FBN2: variants seen among roughly 807,000 people sequenced by gnomAD.
FBN2 encodes fibrillin-2.
A neutral mutation model predicts 355.6 loss-of-function variants in FBN2; 105 were observed. That is an observed-to-expected ratio of 0.30 (90% CI 0.25 to 0.35). FBN2 has a LOEUF of 0.35. FBN2 is among the 10% of genes least tolerant of loss of function. The probability of loss-of-function intolerance (pLI) is 1.00; values close to 1 mark genes in which losing one functional copy is unlikely to be tolerated. For missense variants in FBN2, 3,280 were observed against 3,758.7 expected (o/e 0.87, Z 3.33); for synonymous variants, 1,350 against 1,301.2 (o/e 1.04, Z -0.81).
intron 48 of FBN2, among the ~76,000 whole-genome samples, chr5:128,294,430 T>C (rs960748519): frequency 6.6e-5 from 10 of 152,154 alleles, no homozygotes; most frequent in African/African-American, 1.2e-4. Context: ...TCCACAACGG[T>C]TGAACTAGTT....
chr5:128,426,479 G>T (rs1753486239), intron 7 of FBN2, among the ~76,000 whole-genome samples: 1 of 152,142 alleles, frequency 6.6e-6, no homozygotes, highest in Non-Finnish European at 1.5e-5. Context: ...ATTTGAAACT[G>T]CTAGAGTGCA....
Position 128,259,391 on chromosome 5 carries a change from T to C in FBN2, c.*64A>G. On this transcript the variant is annotated 3_prime_UTR_variant, in exon 65 of 65. Transcript: ENST00000262464. ...TTCCTCTTTAAAATTAGTCCTTGAC[T>C]TTTCAAATGCTTCTGCAGACTGGCT... 6.3e-7 allele frequency: 1 copy of C among 1,592,786 alleles called. No individual in the cohort carries two copies. Among genetic ancestry groups the C allele is most frequent in the Non-Finnish European group, 8.6e-7 (1 of 1,162,614 alleles).
chr5:128,272,185 A>G (rs1581178570), intron 61 of FBN2, 67 bp from the exon 62 acceptor site: 1 of 1,576,786 alleles, frequency 6.3e-7, no homozygotes, highest in East Asian at 2.3e-5. Context: ...TGCACTCCAA[A>G]CGAAACCTGG....
At chr5:128,421,625 T>C (rs1393145312) in intron 7 of FBN2, among the ~76,000 whole-genome samples, 2 of 151,744 alleles carry the variant, frequency 1.3e-5, no homozygotes, top group Admixed American at 6.6e-5. Context: ...GTGGATAAAA[T>C]CAGTTGAGAT....
rs961360612 is a variant in FBN2, at chr5:128,273,741, T to C, written c.7840+99A>G. 142 of 1,268,750 alleles carry C rather than the reference T, an allele frequency of 1.1e-4. 1 individual carries two copies. Among genetic ancestry groups the C allele is most frequent in the Non-Finnish European group, 1.5e-4 (130 of 878,548 alleles). 78.6% of individuals were successfully genotyped at this position (1,268,750 alleles called of 1,614,324 possible). A position where few individuals can be genotyped will look rare whatever the true frequency, so the allele number is the denominator to read the frequency against. Reference sequence around the variant, plus strand: ...CTGGGTCCTATTTTGTTCAATACTTTTTTTTCTTTTTTTCAGATTATACCA... The same window carrying C: ...CTGGGTCCTATTTTGTTCAATACTTCTTTTTCTTTTTTTCAGATTATACCA... On this transcript the variant is annotated intron_variant, in intron 61 of 64. Transcript: ENST00000262464.
intron 4 of FBN2, among the ~76,000 whole-genome samples, chr5:128,520,984 GA>G (rs1384543290): frequency 1.3e-5 from 2 of 152,084 alleles, no homozygotes; most frequent in Non-Finnish European, 2.9e-5. Flanking sequence ...GGGAAGGTGG[GA>G]AAAAACAAAA....
At chr5:128,510,524 C>A (rs1756084987) in intron 5 of FBN2, among the ~76,000 whole-genome samples, 3 of 152,128 alleles carry the variant, frequency 2.0e-5, no homozygotes, top group South Asian at 4.1e-4. Context: ...ATATTCTGTT[C>A]TGTGTTTTAT....
At chr5:128,412,376 T>C (rs1306347448) in intron 7 of FBN2, among the ~76,000 whole-genome samples, 1 of 152,194 alleles carries the variant, frequency 6.6e-6, no homozygotes, top group African/African-American at 2.4e-5. Flanking sequence ...TCTTTTCCAG[T>C]GCTCTCTCCT....
rs555013659 is a variant in FBN2, at chr5:128,259,215, T to A, written c.*240A>T. On this transcript the variant is annotated 3_prime_UTR_variant, in exon 65 of 65. Coordinates refer to ENST00000262464, the MANE Select transcript of FBN2 (RefSeq NM_001999.4). ...AACATTTAGGTTTCTTTTAATATAT[T>A]TTAAAATGAAGTTATATAAAAAATA... 5.8e-6 allele frequency: 3 copies of A among 518,352 alleles called. No individual in the cohort carries two copies. Among genetic ancestry groups the A allele is most frequent in the African/African-American group, 5.7e-5 (3 of 52,632 alleles). The allele number at this position is 518,352 out of a possible 1,614,324, so 32.1% of individuals were successfully genotyped here.
chr5:128,397,126 A>G (rs763965650), intron 8 of FBN2, among the ~76,000 whole-genome samples: 1 of 152,226 alleles, frequency 6.6e-6, no homozygotes, highest in Non-Finnish European at 1.5e-5. Context: ...GTATGCACAC[A>G]TAATTAAAGG....
At chr5:128,375,872 C>G (rs958995330) in intron 14 of FBN2, among the ~76,000 whole-genome samples, 1 of 151,790 alleles carries the variant, frequency 6.6e-6, no homozygotes, top group African/African-American at 2.4e-5. Flanking sequence ...CTCATTTCCA[C>G]AAAAAATAAA....
intron 35 of FBN2, 47 bp downstream of exon 35, chr5:128,318,832 C>T (rs1217607621): frequency 2.5e-6 from 4 of 1,594,860 alleles, no homozygotes; most frequent in Admixed American, 1.7e-5. Context: ...GCACAGAATA[C>T]TCATTTCAAT....
At chr5:128,373,201 A>G (rs1469638684) in intron 15 of FBN2, among the ~76,000 whole-genome samples, 2 of 152,232 alleles carry the variant, frequency 1.3e-5, no homozygotes, top group Non-Finnish European at 2.9e-5. Flanking sequence ...GTTACTTAAG[A>G]GAAAAATAAT....
intron 7 of FBN2, among the ~76,000 whole-genome samples, chr5:128,438,217 TC>T: frequency 6.6e-6 from 1 of 152,286 alleles, no homozygotes; most frequent in South Asian, 2.1e-4. Context: ...GTCTCAAACT[TC>T]CGGGCCTCAA....
intron 36 of FBN2, among the ~76,000 whole-genome samples, chr5:128,317,869 A>G (rs1750252828): frequency 6.6e-6 from 1 of 152,238 alleles, no homozygotes; most frequent in Admixed American, 6.5e-5. Flanking sequence ...CAAACACTGG[A>G]CAAGGAGCCA....
intron 7 of FBN2, among the ~76,000 whole-genome samples, chr5:128,431,478 T>C (rs1390045817): frequency 1.3e-5 from 2 of 152,228 alleles, no homozygotes; most frequent in Non-Finnish European, 2.9e-5. Context: ...ACATGTACTG[T>C]CGCCATAACT....
At chr5:128,394,886 T>A (rs1017653675) in intron 9 of FBN2, among the ~76,000 whole-genome samples, 15 of 151,356 alleles carry the variant, frequency 9.9e-5, no homozygotes, top group African/African-American at 2.4e-4. Flanking sequence ...CCCAAGCTCA[T>A]GTGATTCTCC....
At chr5:128,482,295 C>T (rs992044524) in intron 5 of FBN2, among the ~76,000 whole-genome samples, 1 of 151,832 alleles carries the variant, frequency 6.6e-6, no homozygotes, top group Non-Finnish European at 1.5e-5. Context: ...AAATTTCCCC[C>T]GCCCAGCAAG....
chr5:128,320,286 C>T (rs907503811), intron 34 of FBN2, among the ~76,000 whole-genome samples: 3 of 151,604 alleles, frequency 2.0e-5, no homozygotes, highest in African/African-American at 7.3e-5. Flanking sequence ...ACGATCATGG[C>T]TCACTGCAGC....
Sources: gnomAD v4.1 joint callset for allele counts (sites outside exome capture counted in the v4.1 genomes callset) on GRCh38, gnomAD v4.1.1 for gene constraint, MANE v1.5 for transcripts, NCBI Gene and HGNC (gene_info 2026-07-23, HGNC 2026-07-21) for gene names.